Variants in NOX5 observed in about 807,000 individuals in gnomAD.
NOX5 encodes NADPH oxidase, EF-hand calcium binding domain 5.
NOX5 carries 76 observed loss-of-function variants against 85.7 expected under a neutral mutation model. The observed-to-expected ratio is 0.89, with a 90% CI of 0.74 to 1.07. The LOEUF (loss-of-function observed/expected upper bound fraction) is 1.07, where lower values mean the gene tolerates loss of function less well. Among genes scored for constraint, NOX5 ranks in the 50% least tolerant of loss-of-function variants. NOX5 has a pLI of 0.00. For synonymous variants in NOX5, 405 were observed against 401.4 expected (o/e 1.01, Z -0.11); for missense variants, 973 against 999.5 (o/e 0.97, Z 0.36).
chr15:69,025,049 T>C (rs1377281156), intron 1 of NOX5, among the ~76,000 whole-genome samples: 1 of 152,202 alleles, frequency 6.6e-6, no homozygotes, highest in Non-Finnish European at 1.5e-5. Flanking sequence ...ATAAAGTCAC[T>C]GCAAACGCTG....
chr15:69,045,550 T>TTCTTTCTTTCTTTC (rs1438635731), intron 10 of NOX5, among the ~76,000 whole-genome samples: 2 of 136,014 alleles, frequency 1.5e-5, no homozygotes, highest in Non-Finnish European at 3.1e-5. Context: ...CTTTCTTTCT[T>TTCTTTCTTTCTTTC]TCTTTCTTTC....
At chr15:69,042,930 G>A in intron 10 of NOX5, 125 bp downstream of exon 10, 1 of 1,040,388 alleles carries the variant, frequency 9.6e-7, no homozygotes, top group Non-Finnish European at 1.4e-6. Context: ...GCAGCACAAG[G>A]GGGTTAGGCA....
chr15:69,035,839 A>C lies in NOX5; in HGVS notation c.1091A>C (p.His364Pro). The C allele has an allele frequency of 1.2e-6, 2 of 1,614,156 alleles. No homozygotes were observed. The highest frequency in any genetic ancestry group is 2.2e-5 in the South Asian group (2 of 91,078). The change falls in exon 7 of 16, where the codon CAC (histidine) becomes CCC (proline). Residue 364 changes from histidine to proline, a missense_variant. Transcript: ENST00000388866. ...LTTRPGIGWV[H>P]GSASPTGVAL... ...ACGAGGCCTGGCATTGGCTGGGTAC[A>C]CGGTTCGGCCTCCCCGACAGGTGTC...
Position 69,031,745 on chromosome 15 carries a change from A to G in NOX5, c.553A>G (p.Ile185Val), listed in dbSNP as rs746394410. The change falls in exon 4 of 16, where the codon ATC becomes GTC. Residue 185 changes from isoleucine (I) to valine (V), a missense_variant. Coordinates refer to ENST00000388866, the MANE Select transcript of NOX5 (RefSeq NM_024505.4). ...ESADADGNGA[I>V]TFEELRDELQ... ...GGCCGACGCGGACGGCAACGGGGCC[A>G]TCACCTTCGAGGAGCTCCGGGACGA... 2.8e-5 allele frequency: 45 copies of G among 1,612,452 alleles called. No individual in the cohort carries two copies. Among genetic ancestry groups the G allele is most frequent in the Middle Eastern group, 3.3e-4 (2 of 6,066 alleles).
chr15:69,055,479 T>C lies in NOX5; in HGVS notation c.2145T>C (p.Pro715=). 6.2e-7 allele frequency: 1 copy of C among 1,614,020 alleles called. No individual in the cohort carries two copies. The highest frequency in any genetic ancestry group is 8.5e-7 in the Non-Finnish European group (1 of 1,180,018). ...CGGGGCTGCAGACGCGCACCCAGCC[T>C]GGGCGGCCTGACTGGAGCAAGGTAA... ...SITGLQTRTQ[P]GRPDWSKVFQ... Residue 715 remains proline (P), a synonymous_variant, in exon 15 of 16, where the codon CCT becomes CCC. Transcript: ENST00000388866.
intron 4 of NOX5, 113 bp downstream of exon 4, chr15:69,031,925 C>T: frequency 8.8e-7 from 1 of 1,140,774 alleles, no homozygotes; most frequent in Non-Finnish European, 1.2e-6. Flanking sequence ...CCTGCCCCGC[C>T]CCTCCCCAGT....
chr15:69,040,699 CT>C (rs200751748), intron 9 of NOX5, among the ~76,000 whole-genome samples: 18 of 148,206 alleles, frequency 1.2e-4, no homozygotes, highest in Admixed American at 2.7e-4. Flanking sequence ...TTCACCAGTT[CT>C]TTTTTTTTTA....
Position 69,049,083 on chromosome 15 carries a change from G to T in NOX5, c.1999+25G>T, listed in dbSNP as rs1353577462. On this transcript the variant is annotated intron_variant, in intron 14 of 15. Coordinates refer to ENST00000388866, the MANE Select transcript of NOX5 (RefSeq NM_024505.4). ...GGTAAGAGAGGGACAGGGCCTGAGG[G>T]CAGTAGGAGTAGGGCAGGGGCCTTC... 1.9e-6 allele frequency: 3 copies of T among 1,543,282 alleles called. No individual in the cohort carries two copies. The African/African-American group carries it at 4.1e-5, about 21-fold the overall frequency.
At chr15:69,026,693 T>G in intron 2 of NOX5, 42 bp downstream of exon 2, 1 of 1,612,744 alleles carries the variant, frequency 6.2e-7, no homozygotes, top group South Asian at 1.1e-5. Context: ...TTTATCGTTA[T>G]GTGGCCTGGT....
At chr15:69,022,922 G>T (rs1049521271) in intron 1 of NOX5, 6 of 489,060 alleles carry the variant, frequency 1.2e-5, no homozygotes, top group African/African-American at 8.0e-5. Context: ...TCTAAGTAGG[G>T]ACGAACAATC....
chr15:69,031,347 C>A, intron 3 of NOX5, 171 bp from the exon 4 acceptor site: 1 of 667,134 alleles, frequency 1.5e-6, no homozygotes, highest in Non-Finnish European at 2.5e-6. Context: ...AAAGATTCTC[C>A]ACCCGTGGGG....
At position 69,060,898 on chromosome 15, in the gene NOX5, T is replaced by C. The variant is rs938598291; in HGVS notation, c.*4202T>C. The C allele has an allele frequency of 1.3e-5, 2 of 152,226 alleles. No homozygotes were observed. The highest frequency in any genetic ancestry group is 2.9e-5 in the Non-Finnish European group (2 of 68,048). 9.4% of individuals were successfully genotyped at this position (152,226 alleles called of 1,614,324 possible). On this transcript the variant is annotated 3_prime_UTR_variant, in exon 16 of 16. Transcript: ENST00000388866. ...ATGTGTCTACAGCATTGTTAACATC[T>C]GGTGAAAGGAGAAAAGTCAGCCAGC... is the stretch of plus-strand genomic sequence containing the variant.
At chr15:69,051,842 G>GT (rs146592546) in intron 14 of NOX5, among the ~76,000 whole-genome samples, 2,790 of 148,700 alleles carry the variant, frequency 0.019, 70 homozygotes, top group Middle Eastern at 0.096. Context: ...TTCCATTCCT[G>GT]TTTTTTTTTT....
intron 5 of NOX5, 23 bp downstream of exon 5, chr15:69,033,300 G>T (rs777661707): frequency 6.3e-7 from 1 of 1,586,698 alleles, no homozygotes; most frequent in South Asian, 1.1e-5. Context: ...AGCACACGGT[G>T]CTCTGAAAAT....
chr15:69,022,264 T>A, intron 1 of NOX5: 1 of 203,058 alleles, frequency 4.9e-6, no homozygotes, highest in Non-Finnish European at 1.2e-5. Flanking sequence ...TTTATCCCAA[T>A]GTCACAAGGA....
At chr15:69,039,588 C>G (rs1327117498) in intron 9 of NOX5, among the ~76,000 whole-genome samples, 1 of 152,172 alleles carries the variant, frequency 6.6e-6, no homozygotes. Context: ...GAGTAGCCAG[C>G]TCAGGAGAGG....
At position 69,031,538 on chromosome 15, in the gene NOX5, T is replaced by G; in HGVS notation, c.346T>G (p.Ser116Ala). 2 of 1,609,520 alleles carry G rather than the reference T, an allele frequency of 1.2e-6. No homozygotes were observed. Among genetic ancestry groups the G allele is most frequent in the Non-Finnish European group, 1.7e-6 (2 of 1,178,572 alleles). ...TGCAGTGTGTGCACGGCAGGGGGCGTCTGCAGGTACAGAGTGGGGTGCTGG... is the reference window on the plus strand; with the variant it reads ...TGCAGTGTGTGCACGGCAGGGGGCGGCTGCAGGTACAGAGTGGGGTGCTGG... The part of the protein sequence containing the change: ...DIDVCARQGA[S>A]AGTEWGAGAG... The change falls in exon 4 of 16, where the codon TCT (serine) becomes GCT (alanine). Residue 116 changes from serine (S) to alanine (A), a missense_variant. Transcript: ENST00000388866.
rs377391333 is a variant in NOX5 at position 69,031,794 on chromosome 15, T to C, written c.602T>C (p.Met201Thr). 6 of 1,600,132 alleles carry C rather than the reference T, an allele frequency of 3.7e-6. No individual in the cohort carries two copies. In the African/African-American group the frequency reaches 5.4e-5, roughly 14 times the overall value. The stretch of plus-strand genomic sequence containing the variant: ...GAGCTGCAGCGCTTCCCCGGAGTCA[T>C]GGAGAACCTGACCATCAGGTACGGC... ...RDELQRFPGV[M>T]ENLTISAAHW... The change falls in exon 4 of 16, where the codon ATG (methionine) becomes ACG (threonine). Residue 201 changes from methionine to threonine, a missense_variant. By Grantham distance (81) the Met-to-Thr change is moderately conservative. Coordinates refer to ENST00000388866, the MANE Select transcript of NOX5 (RefSeq NM_024505.4).
At position 69,060,825 on chromosome 15, in the gene NOX5, C is replaced by G. The variant is rs559900242; in HGVS notation, c.*4129C>G. 2 of 152,188 alleles carry G rather than the reference C, an allele frequency of 1.3e-5. No homozygotes were observed. Among genetic ancestry groups the G allele is most frequent in the South Asian group, 2.1e-4 (1 of 4,828 alleles). 9.4% of individuals were successfully genotyped at this position (152,188 alleles called of 1,614,324 possible). On this transcript the variant is annotated 3_prime_UTR_variant, in exon 16 of 16. Coordinates refer to ENST00000388866, the MANE Select transcript of NOX5 (RefSeq NM_024505.4). ...ACACGGAAAGACAGTTAGAAGCCAG[C>G]CTTAATCTGTCTTGGGCCCAGACAG...
Sources: allele counts gnomAD v4.1 joint callset (sites outside exome capture counted in the v4.1 genomes callset), GRCh38; gene constraint gnomAD v4.1.1; transcripts MANE v1.5; gene names NCBI Gene and HGNC (gene_info 2026-07-23, HGNC 2026-07-21).